The following GLI2 variants were observed in gnomAD, a reference collection of about 807,000 sequenced individuals.
GLI2 encodes GLI family zinc finger 2.
In GLI2, 22 loss-of-function variants were observed where a neutral mutation model predicts 78.9. That is an observed-to-expected ratio of 0.28 (90% confidence interval 0.20 to 0.40). The LOEUF (loss-of-function observed/expected upper bound fraction) is 0.40, where lower values mean the gene tolerates loss of function less well. Among genes scored for constraint, GLI2 ranks in the 10% least tolerant of loss-of-function variants. The pLI is 1.00. For synonymous variants in GLI2, 974 were observed against 963.7 expected (o/e 1.01, Z -0.20); for missense variants, 2,097 against 2,213.2 (o/e 0.95, Z 1.05).
chr2:120,926,316 G>A (rs1395032891), intron 2 of GLI2, among the ~76,000 whole-genome samples: 2 of 152,062 alleles, frequency 1.3e-5, no homozygotes, highest in African/African-American at 4.8e-5. Context: ...GCAGATGGAG[G>A]TCAGGAGTTC....
chr2:120,917,015 G>C (rs1455473684), intron 2 of GLI2, among the ~76,000 whole-genome samples: 1 of 152,144 alleles, frequency 6.6e-6, no homozygotes, highest in African/African-American at 2.4e-5. Context: ...AGGAATAGGA[G>C]AGAGCAGAGT....
intron 1 of GLI2, among the ~76,000 whole-genome samples, chr2:120,788,141 A>C (rs770217743): frequency 2.0e-5 from 3 of 152,190 alleles, no homozygotes; most frequent in Admixed American, 6.5e-5. Flanking sequence ...CTTAGGGAGA[A>C]GTTGATTCTT....
At chr2:120,964,496 G>C (rs982878258) in intron 5 of GLI2, among the ~76,000 whole-genome samples, 2 of 152,252 alleles carry the variant, frequency 1.3e-5, no homozygotes, top group Non-Finnish European at 2.9e-5. Flanking sequence ...GTGGTGGGCT[G>C]TGCTAGGGGT....
At chr2:120,917,692 C>T (rs901413627) in intron 2 of GLI2, among the ~76,000 whole-genome samples, 1 of 152,250 alleles carries the variant, frequency 6.6e-6, no homozygotes, top group South Asian at 2.1e-4. Context: ...ATCCCTTCTG[C>T]CTTGGGCTTC....
intron 5 of GLI2, 59 bp from the exon 6 acceptor site, chr2:120,968,655 T>G: frequency 1.2e-6 from 1 of 865,906 alleles, no homozygotes; most frequent in African/African-American, 1.7e-5. Context: ...CCCACCCACA[T>G]GTCACCCCCT....
intron 2 of GLI2, among the ~76,000 whole-genome samples, chr2:120,918,143 G>A (rs1679188899): frequency 6.6e-6 from 1 of 152,234 alleles, no homozygotes; most frequent in African/African-American, 2.4e-5. Context: ...AGAGACAGCT[G>A]CAGAGCTGGG....
At chr2:120,935,138 C>A (rs907416291) in intron 3 of GLI2, among the ~76,000 whole-genome samples, 1 of 152,180 alleles carries the variant, frequency 6.6e-6, no homozygotes, top group African/African-American at 2.4e-5. Context: ...CTTTTCAGAG[C>A]CTAGAGGAAG....
chr2:120,957,669 G>T (rs1681339106), intron 5 of GLI2, among the ~76,000 whole-genome samples: 1 of 152,236 alleles, frequency 6.6e-6, no homozygotes, highest in Non-Finnish European at 1.5e-5. Context: ...GGCAGGAAAG[G>T]CTAAGCCAGG....
intron 2 of GLI2, among the ~76,000 whole-genome samples, chr2:120,822,032 A>T (rs1685802595): frequency 6.6e-6 from 1 of 152,166 alleles, no homozygotes; most frequent in African/African-American, 2.4e-5. Context: ...CATGGAGGTG[A>T]GGCTGTGGTG....
chr2:120,799,373 A>G (rs928287547), intron 2 of GLI2, among the ~76,000 whole-genome samples: 1 of 152,168 alleles, frequency 6.6e-6, no homozygotes, highest in Admixed American at 6.5e-5. Flanking sequence ...CATAGTTGCC[A>G]CAGGGCAGGT....
intron 2 of GLI2, among the ~76,000 whole-genome samples, chr2:120,918,422 G>A (rs933764450): frequency 6.6e-6 from 1 of 151,572 alleles, no homozygotes; most frequent in Non-Finnish European, 1.5e-5. Context: ...TCTACTCTAT[G>A]GACACCATAA....
intron 2 of GLI2, among the ~76,000 whole-genome samples, chr2:120,881,796 GAA>G (rs1203457399): frequency 9.9e-4 from 1 of 1,012 alleles, no homozygotes; most frequent in African/African-American, 4.0e-3. Flanking sequence ...AACAGTGGGA[GAA>G]GACAGTGGGG....
chr2:120,941,900 G>A (rs1357372428), intron 3 of GLI2, among the ~76,000 whole-genome samples: 1 of 152,264 alleles, frequency 6.6e-6, no homozygotes, highest in Non-Finnish European at 1.5e-5. Flanking sequence ...TGAAATCCAG[G>A]CGGCAGGGGG....
intron 2 of GLI2, among the ~76,000 whole-genome samples, chr2:120,881,803 G>T: frequency 8.0e-4 from 1 of 1,256 alleles, no homozygotes; most frequent in Admixed American, 8.2e-3. Flanking sequence ...GGAGAAGACA[G>T]TGGGGGAGAA....
intron 1 of GLI2, among the ~76,000 whole-genome samples, chr2:120,789,980 TTTG>T (rs1684100228): frequency 6.6e-6 from 1 of 152,180 alleles, no homozygotes. Context: ...GCTTGAAGGT[TTTG>T]TTGTCTTTCT....
In GLI2 at chr2:120,765,113, G is replaced by T. The variant is rs112477001; in HGVS notation, c.-31+28828G>T. 3.0e-3 allele frequency among the ~76,000 whole-genome samples: 449 copies of T among 152,194 alleles called. 4 individuals carry two copies. Among genetic ancestry groups the T allele is most frequent in the African/African-American group, 0.01 (428 of 41,508 alleles). On this transcript the variant is annotated intron_variant, in intron 1 of 13. Transcript: ENST00000361492. ...CTACCCCCTTCAGGAGGCTTTCCCT[G>T]AACCTCCCCCTGCCCCTGGGGCTGA...
chr2:120,793,739 G>A (rs976234132), intron 1 of GLI2, among the ~76,000 whole-genome samples: 7 of 152,202 alleles, frequency 4.6e-5, no homozygotes, highest in African/African-American at 1.7e-4. Context: ...TCCTCTCCCT[G>A]AGCCACAGTC....
At chr2:120,983,215 G>A (rs143675487) in intron 11 of GLI2, among the ~76,000 whole-genome samples, 1 of 152,154 alleles carries the variant, frequency 6.6e-6, no homozygotes, top group Non-Finnish European at 1.5e-5. Context: ...AGTTGAAGCA[G>A]GGAAGTGGCC....
intron 2 of GLI2, among the ~76,000 whole-genome samples, chr2:120,919,720 C>T (rs1679275090): frequency 6.6e-6 from 1 of 152,268 alleles, no homozygotes; most frequent in East Asian, 1.9e-4. Flanking sequence ...CGGGCTTCCC[C>T]ATCCTGGCCA....
Sources: allele counts gnomAD v4.1 joint callset (sites outside exome capture counted in the v4.1 genomes callset), GRCh38; gene constraint gnomAD v4.1.1; transcripts MANE v1.5; gene names NCBI Gene and HGNC (gene_info 2026-07-23, HGNC 2026-07-21).